DGKB: variants seen among roughly 807,000 people sequenced by gnomAD.
DGKB encodes the protein diacylglycerol kinase beta.
A neutral mutation model predicts 114.3 loss-of-function variants in DGKB; 67 were observed. That is an observed-to-expected ratio of 0.59 (90% CI 0.48 to 0.72). The LOEUF (loss-of-function observed/expected upper bound fraction) is 0.72, where lower values mean the gene tolerates loss of function less well. Ranked by LOEUF, DGKB falls within the 30% of genes least tolerant of loss-of-function variation. DGKB has a pLI of 0.00. For synonymous variants in DGKB, 398 were observed against 323.1 expected (o/e 1.23, Z -2.49); for missense variants, 907 against 975.2 (o/e 0.93, Z 0.93).
chr7:14,870,101 G>A (rs1170738227), intron 1 of DGKB, among the ~76,000 whole-genome samples: 2 of 152,058 alleles, frequency 1.3e-5, no homozygotes, highest in South Asian at 4.2e-4. Context: ...CACATGTATG[G>A]ATTCCATTGC....
intron 23 of DGKB, among the ~76,000 whole-genome samples, chr7:14,311,219 G>C (rs1397342270): frequency 6.6e-6 from 1 of 152,098 alleles, no homozygotes; most frequent in Non-Finnish European, 1.5e-5. Context: ...GCATATGGGA[G>C]CCAGATAGTA....
chr7:14,309,952 C>T (rs575640619), intron 23 of DGKB, among the ~76,000 whole-genome samples: 1 of 152,238 alleles, frequency 6.6e-6, no homozygotes, highest in South Asian at 2.1e-4. Context: ...TGGAAGCACT[C>T]TACTATGATA....
intron 23 of DGKB, among the ~76,000 whole-genome samples, chr7:14,299,800 G>A (rs563268966): frequency 3.9e-5 from 6 of 152,002 alleles, no homozygotes; most frequent in East Asian, 3.9e-4. Flanking sequence ...CCTGTAAGGC[G>A]TGCCCTTCAC....
chr7:14,270,212 T>C lies in DGKB; in HGVS notation c.2122+68303A>G, dbSNP rs113346688. On this transcript the variant is annotated intron_variant, in intron 23 of 25. Coordinates refer to ENST00000402815, the MANE Select transcript of DGKB (RefSeq NM_001350709.2). ...CTTAGGTTACTCAGTTTCTCTCTCA[T>C]AGGCTATGCTCTCCGTTTCTCGAGG... Among the ~76,000 whole-genome samples the C allele has an allele frequency of 5.1e-3, 777 of 152,330 alleles. 5 individuals carry two copies. The highest frequency in any genetic ancestry group is 0.018 in the African/African-American group (735 of 41,574).
At position 14,286,138 on chromosome 7, in the gene DGKB, C is replaced by A. The variant is rs141945852; in HGVS notation, c.2122+52377G>T. Among the ~76,000 whole-genome samples the A allele has an allele frequency of 5.9e-5, 9 of 152,170 alleles. No individual in the cohort carries two copies. In the East Asian group the frequency reaches 1.5e-3, roughly 26 times the overall value. ...ACAACCAAGCATTCTCCTCAACCAG[C>A]GGCTGTCTGTAACCATAAAGAAATT... On this transcript the variant is annotated intron_variant, in intron 23 of 25. Coordinates refer to ENST00000402815, the MANE Select transcript of DGKB (RefSeq NM_001350709.2).
intron 21 of DGKB, among the ~76,000 whole-genome samples, chr7:14,450,112 A>T (rs17168191): frequency 0.17 from 26,479 of 152,014 alleles, 3,006 homozygotes; most frequent in East Asian, 0.32. Flanking sequence ...CAAGAACACA[A>T]TTTATCAATA....
intron 23 of DGKB, among the ~76,000 whole-genome samples, chr7:14,301,062 T>A (rs1017885350): frequency 3.9e-5 from 6 of 152,142 alleles, no homozygotes; most frequent in Non-Finnish European, 7.4e-5. Flanking sequence ...TTGTATATAT[T>A]TGACAGGATT....
At chr7:14,613,251 T>G (rs1805893214) in intron 16 of DGKB, 89 bp downstream of exon 16, 2 of 692,286 alleles carry the variant, frequency 2.9e-6, no homozygotes, top group South Asian at 4.1e-5. Context: ...CAGAGAGGAA[T>G]AATTGTTTTT....
At chr7:14,415,491 A>G (rs1328422133) in intron 21 of DGKB, among the ~76,000 whole-genome samples, 1 of 151,028 alleles carries the variant, frequency 6.6e-6, no homozygotes, top group Admixed American at 6.6e-5. Flanking sequence ...TCATTGTTCA[A>G]TTCCCACCTA....
chr7:14,237,893 A>G (rs1793045846), intron 23 of DGKB, among the ~76,000 whole-genome samples: 1 of 152,084 alleles, frequency 6.6e-6, no homozygotes, highest in African/African-American at 2.4e-5. Flanking sequence ...CACAAAAAGT[A>G]ATCAATAATC....
rs1296995820 is a variant in DGKB, at chr7:14,374,151, C to T, written c.1836-28760G>A. Among the ~76,000 whole-genome samples, 6 of 152,132 alleles carry T rather than the reference C, an allele frequency of 3.9e-5. No individual in the cohort carries two copies. In the East Asian group the frequency reaches 1.2e-3, roughly 29 times the overall value. On this transcript the variant is annotated intron_variant, in intron 21 of 25. Transcript: ENST00000402815. ...TCCCGAACTGCAATCCCCTACTCTA[C>T]TATCAATAGCTCCCCAACCTTTACT...
chr7:14,716,519 T>C (rs1828212439), intron 6 of DGKB, among the ~76,000 whole-genome samples: 1 of 152,220 alleles, frequency 6.6e-6, no homozygotes, highest in Non-Finnish European at 1.5e-5. Context: ...ATATTGTATT[T>C]AGTAAATTGT....
chr7:14,517,753 A>G (rs1789074474), intron 20 of DGKB, among the ~76,000 whole-genome samples: 1 of 152,170 alleles, frequency 6.6e-6, no homozygotes, highest in Admixed American at 6.6e-5. Context: ...TCAAAATCAC[A>G]ATGAGATACC....
At chr7:14,775,532 A>C (rs761448753) in intron 2 of DGKB, among the ~76,000 whole-genome samples, 1 of 151,500 alleles carries the variant, frequency 6.6e-6, no homozygotes, top group Non-Finnish European at 1.5e-5. Flanking sequence ...ATGTTGTGGG[A>C]GCGACCTAGT....
chr7:14,263,633 C>A (rs1584803207), intron 23 of DGKB, among the ~76,000 whole-genome samples: 1 of 152,140 alleles, frequency 6.6e-6, no homozygotes, highest in African/African-American at 2.4e-5. Flanking sequence ...GAGCAACATT[C>A]TTTCTTGCTC....
intron 5 of DGKB, among the ~76,000 whole-genome samples, chr7:14,722,945 C>A (rs1829429591): frequency 6.6e-6 from 1 of 151,930 alleles, no homozygotes; most frequent in South Asian, 2.1e-4. Context: ...TGAAAGCAGA[C>A]CCTGGTCCTC....
chr7:14,199,741 TTAATA>T (rs1425062138), intron 23 of DGKB, among the ~76,000 whole-genome samples: 10 of 151,974 alleles, frequency 6.6e-5, no homozygotes, highest in Non-Finnish European at 1.5e-4. Flanking sequence ...GGCTAATAAT[TTAATA>T]TAAGTATGTT....
At chr7:14,741,011 T>C (rs747017819) in intron 4 of DGKB, among the ~76,000 whole-genome samples, 3 of 152,208 alleles carry the variant, frequency 2.0e-5, no homozygotes, top group Non-Finnish European at 4.4e-5. Flanking sequence ...GTCTTCAGTC[T>C]GTGCACCTTA....
chr7:14,790,020 A>G (rs1239784396), intron 2 of DGKB, among the ~76,000 whole-genome samples: 1 of 151,982 alleles, frequency 6.6e-6, no homozygotes, highest in African/African-American at 2.4e-5. Context: ...TTTGGTTTTG[A>G]TTGCATTTCC....
Sources: gnomAD v4.1 joint callset for allele counts (sites outside exome capture counted in the v4.1 genomes callset) on GRCh38, gnomAD v4.1.1 for gene constraint, MANE v1.5 for transcripts, NCBI Gene and HGNC (gene_info 2026-07-23, HGNC 2026-07-21) for gene names.